CA12: variants seen among roughly 807,000 people sequenced by gnomAD.
CA12 encodes carbonate dehydratase XII.
CA12 carries 36 observed loss-of-function variants against 46.8 expected under a neutral mutation model. The observed-to-expected ratio is 0.77, with a 90% CI of 0.59 to 1.02. CA12 has a LOEUF of 1.02. Ranked by LOEUF, CA12 falls within the 50% of genes least tolerant of loss-of-function variation. The pLI, the probability that CA12 is intolerant of heterozygous loss-of-function variation, is 0.00. For missense variants in CA12, 436 were observed against 451.4 expected (o/e 0.97, Z 0.31); for synonymous variants, 202 against 187.0 (o/e 1.08, Z -0.65).
chr15:63,333,199 G>A (rs1329506047), intron 8 of CA12, among the ~76,000 whole-genome samples: 1 of 152,224 alleles, frequency 6.6e-6, no homozygotes, highest in Non-Finnish European at 1.5e-5. Flanking sequence ...AGTTTTGGGG[G>A]CTGAGGCTAA....
rs2039371499 is a variant in CA12, at chr15:63,362,140, A to G, written c.106+13518T>C. The stretch of plus-strand genomic sequence containing the variant: ...AGCAGTCACAGAGAATATGCAAACA[A>G]ATGAATGTAGCTGTGTTCCAAAGAA... On this transcript the variant is annotated intron_variant, in intron 2 of 10. Coordinates refer to ENST00000178638, the MANE Select transcript of CA12 (RefSeq NM_001218.5). Among the ~76,000 whole-genome samples, 4 of 152,194 alleles carry G rather than the reference A, an allele frequency of 2.6e-5. No homozygotes were observed. In the South Asian group the frequency reaches 8.3e-4, roughly 31 times the overall value.
chr15:63,340,184 G>C lies in CA12; in HGVS notation c.747+104C>G. On this transcript the variant is annotated intron_variant, in intron 7 of 10. Transcript: ENST00000178638. The surrounding 1 kb of genome is among the most constrained non-coding windows in gnomAD (Gnocchi z 4.4). ...ATATTTGGAGAGGTTTTGAAGAGCT[G>C]CCAATGAAACTAAATGAGGAAATCA... 7.6e-7 allele frequency: 1 copy of C among 1,321,982 alleles called. No individual in the cohort carries two copies. The allele number at this position is 1,321,982 out of a possible 1,614,324, so 81.9% of individuals were successfully genotyped here.
At chr15:63,363,037 G>A (rs1257580877) in intron 2 of CA12, among the ~76,000 whole-genome samples, 3 of 152,206 alleles carry the variant, frequency 2.0e-5, no homozygotes, top group Non-Finnish European at 2.9e-5. Context: ...CTCACCGGGT[G>A]CTGTGCTGTG....
At position 63,321,865 on chromosome 15, in the gene CA12, G is replaced by T. The variant is rs1246755799; in HGVS notation, c.*4420C>A. The stretch of plus-strand genomic sequence containing the variant: ...CTGCGGCGAGGCGAGGAGATGTGGG[G>T]AGAGGAAGAGCGGCGTCCACGATGT... On this transcript the variant is annotated 3_prime_UTR_variant, in exon 11 of 11. Transcript: ENST00000178638. The surrounding 1 kb of genome is among the most constrained non-coding windows in gnomAD (Gnocchi z 4.5). 6.6e-6 allele frequency: 1 copy of T among 152,312 alleles called. No homozygotes were observed. Among genetic ancestry groups the T allele is most frequent in the Non-Finnish European group, 1.5e-5 (1 of 68,098 alleles). 9.4% of individuals were successfully genotyped at this position (152,312 alleles called of 1,614,324 possible).
At position 63,340,956 on chromosome 15, in the gene CA12, G is replaced by A. The variant is rs115818954; in HGVS notation, c.526-173C>T. ...TAGGCTCTTGGGAGTTAGTGTAATG[G>A]TCCTGCCTCTTGCATCTCAGGACGT... is the stretch of plus-strand genomic sequence containing the variant. On this transcript the variant is annotated intron_variant, in intron 5 of 10. Coordinates refer to ENST00000178638, the MANE Select transcript of CA12 (RefSeq NM_001218.5). This position sits in a 1 kb window ranked among gnomAD's most constrained non-coding sequence, Gnocchi z 4.4. 9.6e-4 allele frequency among the ~76,000 whole-genome samples: 146 copies of A among 152,294 alleles called. No individual in the cohort carries two copies. Among genetic ancestry groups the A allele is most frequent in the African/African-American group, 3.4e-3 (143 of 41,576 alleles).
chr15:63,375,182 G>C (rs1362159352), intron 2 of CA12, among the ~76,000 whole-genome samples: 2 of 152,156 alleles, frequency 1.3e-5, no homozygotes, highest in African/African-American at 4.8e-5. Context: ...TTCATCCATC[G>C]CTAGCTTACA....
chr15:63,375,546 C>T, intron 2 of CA12, 112 bp downstream of exon 2: 1 of 728,748 alleles, frequency 1.4e-6, no homozygotes, highest in Non-Finnish European at 2.4e-6. Context: ...AAGAACTGTG[C>T]TTCCGACCCT....
At chr15:63,381,475 A>G (rs1398227953) in intron 1 of CA12, among the ~76,000 whole-genome samples, 161 bp downstream of exon 1, 38 of 152,224 alleles carry the variant, frequency 2.5e-4, no homozygotes, top group Non-Finnish European at 2.9e-5. Context: ...ACCCAACCTC[A>G]GCAAAGGAAA....
chr15:63,364,211 G>A (rs1264614286), intron 2 of CA12, among the ~76,000 whole-genome samples: 1 of 151,350 alleles, frequency 6.6e-6, no homozygotes, highest in Non-Finnish European at 1.5e-5. Context: ...AGGAGACTTG[G>A]CTAGGTGCGA....
rs1040106221 is a variant in CA12 at position 63,371,778 on chromosome 15, G to A, written c.106+3880C>T. Among the ~76,000 whole-genome samples, 5 of 152,260 alleles carry A rather than the reference G, an allele frequency of 3.3e-5. No homozygotes were observed. In the East Asian group the frequency reaches 5.8e-4, roughly 18 times the overall value. On this transcript the variant is annotated intron_variant, in intron 2 of 10. Coordinates refer to ENST00000178638, the MANE Select transcript of CA12 (RefSeq NM_001218.5). ...TTCTCAGCTAACATGATGTGCTCTC[G>A]GGTCTAGCTCCAATACAGTCATTCT...
intron 1 of CA12, 29 bp downstream of exon 1, chr15:63,381,607 G>C (rs1208902864): frequency 6.3e-7 from 1 of 1,590,968 alleles, no homozygotes; most frequent in African/African-American, 1.3e-5. Context: ...GCTCAGGAGT[G>C]TTAGGAAAGA....
chr15:63,355,750 C>A lies in CA12; in HGVS notation c.107-9041G>T, dbSNP rs1326288092. Among the ~76,000 whole-genome samples, 1 of 152,218 alleles carries A rather than the reference C, an allele frequency of 6.6e-6. No individual in the cohort carries two copies. Among genetic ancestry groups the A allele is most frequent in the Non-Finnish European group, 1.5e-5 (1 of 68,032 alleles). ...TGAAAACTAGCCAGGCCTGAGCCCCCCATCAGTGCTCACCACATGTTATCC... is the reference window on the plus strand; with the variant it reads ...TGAAAACTAGCCAGGCCTGAGCCCCACATCAGTGCTCACCACATGTTATCC... On this transcript the variant is annotated intron_variant, in intron 2 of 10. Coordinates refer to ENST00000178638, the MANE Select transcript of CA12 (RefSeq NM_001218.5). The surrounding 1 kb of genome is among the most constrained non-coding windows in gnomAD (Gnocchi z 4.1).
chr15:63,337,163 G>A (rs1258626208), intron 8 of CA12, among the ~76,000 whole-genome samples: 1 of 152,202 alleles, frequency 6.6e-6, no homozygotes, highest in Non-Finnish European at 1.5e-5. Flanking sequence ...AGAAACTGAG[G>A]AAAGAGGGAA....
At position 63,330,388 on chromosome 15, in the gene CA12, T is replaced by C. The variant is rs1461326333; in HGVS notation, c.875-2258A>G. Among the ~76,000 whole-genome samples the C allele has an allele frequency of 6.6e-6, 1 of 152,246 alleles. No homozygotes were observed. Among genetic ancestry groups the C allele is most frequent in the Admixed American group, 6.5e-5 (1 of 15,290 alleles). On this transcript the variant is annotated intron_variant, in intron 8 of 10. Transcript: ENST00000178638. The surrounding 1 kb of genome is among the most constrained non-coding windows in gnomAD (Gnocchi z 4.0). ...ACATAATAAACCTAGCCATGGTTTT[T>C]CTTCCCAACCCTTTGATGAAATACA...
intron 2 of CA12, among the ~76,000 whole-genome samples, chr15:63,350,509 G>A (rs1222885343): frequency 1.3e-5 from 2 of 152,180 alleles, no homozygotes; most frequent in Non-Finnish European, 2.9e-5. Flanking sequence ...TCCCATGATC[G>A]TGATACAGGA....
At chr15:63,381,126 A>G (rs547379315) in intron 1 of CA12, among the ~76,000 whole-genome samples, 1 of 152,166 alleles carries the variant, frequency 6.6e-6, no homozygotes, top group East Asian at 1.9e-4. Context: ...GAGAAAAACA[A>G]TGATTAAGAA....
In CA12 at chr15:63,346,546, G is replaced by A. The variant is rs201779541; in HGVS notation, c.270C>T (p.Thr90=). Reference sequence around the variant, plus strand: ...CTCCCTCACCTGAATGGCCATTGTTGGTCAGGAGAAACTGCTTGTTGGCAG... The same window carrying A: ...CTCCCTCACCTGAATGGCCATTGTTAGTCAGGAGAAACTGCTTGTTGGCAG... ...NLSANKQFLL[T]NNGHSVKLNL... is the part of the protein sequence containing the mutation. Residue 90 remains threonine (T), a synonymous_variant, in exon 3 of 11, where the codon ACC becomes ACT. Coordinates refer to ENST00000178638, the MANE Select transcript of CA12 (RefSeq NM_001218.5). The A allele has an allele frequency of 2.5e-6, 4 of 1,614,040 alleles. No homozygotes were observed. The highest frequency in any genetic ancestry group is 1.6e-4 in the Middle Eastern group (1 of 6,062).
At chr15:63,352,564 CT>C (rs2039246941) in intron 2 of CA12, among the ~76,000 whole-genome samples, 1 of 152,190 alleles carries the variant, frequency 6.6e-6, no homozygotes, top group South Asian at 2.1e-4. Context: ...GTGGACCCCC[CT>C]GTGTCTGTGT....
rs1442847560 is a variant in CA12, at chr15:63,341,396, C to T, written c.525+606G>A. Among the ~76,000 whole-genome samples, 1 of 152,200 alleles carries T rather than the reference C, an allele frequency of 6.6e-6. No homozygotes were observed. The highest frequency in any genetic ancestry group is 1.9e-4 in the East Asian group (1 of 5,192). ...CCGCCCCCTGTCAAATCAGCAGAGG[C>T]CTCCCATTCTCATAGGAGCACAAGC... On this transcript the variant is annotated intron_variant, in intron 5 of 10. Coordinates refer to ENST00000178638, the MANE Select transcript of CA12 (RefSeq NM_001218.5). The surrounding 1 kb of genome is among the most constrained non-coding windows in gnomAD (Gnocchi z 5.2).
Sources: allele counts gnomAD v4.1 joint callset (sites outside exome capture counted in the v4.1 genomes callset), GRCh38; gene constraint gnomAD v4.1.1; non-coding constraint Gnocchi (gnomAD v3.1); transcripts MANE v1.5; gene names NCBI Gene and HGNC (gene_info 2026-07-23, HGNC 2026-07-21).